Variants in UNC5D observed in about 807,000 individuals in gnomAD.
UNC5D encodes netrin receptor UNC5D.
UNC5D carries 39 observed loss-of-function variants against 105.4 expected under a neutral mutation model. That is an observed-to-expected ratio of 0.37 (90% confidence interval 0.29 to 0.48). The LOEUF (loss-of-function observed/expected upper bound fraction) is 0.48. Among genes scored for constraint, UNC5D ranks in the 20% least tolerant of loss-of-function variants. UNC5D has a pLI of 0.98. For synonymous variants in UNC5D, 452 were observed against 450.4 expected (o/e 1.00, Z -0.04); for missense variants, 991 against 1,202.4 (o/e 0.82, Z 2.60).
intron 1 of UNC5D, among the ~76,000 whole-genome samples, chr8:35,250,820 C>T (rs191966025): frequency 1.3e-5 from 2 of 152,030 alleles, no homozygotes; most frequent in African/African-American, 2.4e-5. Flanking sequence ...TTTCATCCCT[C>T]CTTCCCCCAC....
intron 1 of UNC5D, among the ~76,000 whole-genome samples, chr8:35,424,420 A>G (rs1335188033): frequency 6.6e-6 from 1 of 152,188 alleles, no homozygotes; most frequent in Non-Finnish European, 1.5e-5. Context: ...AATAAATCTC[A>G]GTTTGGACTA....
chr8:35,653,818 C>A (rs1329179019), intron 4 of UNC5D, among the ~76,000 whole-genome samples: 1 of 152,084 alleles, frequency 6.6e-6, no homozygotes, highest in Non-Finnish European at 1.5e-5. Context: ...TTCATACATT[C>A]TTTTATTTAA....
chr8:35,300,446 C>CAAAAAAAAAAAAAAAAAAAAAAAAA (rs752599540), intron 1 of UNC5D, among the ~76,000 whole-genome samples: 1 of 58,416 alleles, frequency 1.7e-5, no homozygotes. Flanking sequence ...GACTCCCTCT[C>CAAAAAAAAAAAAAAAAAAAAAAAAA]AAAAAAAAAA....
intron 2 of UNC5D, among the ~76,000 whole-genome samples, chr8:35,552,343 A>G (rs1033454001): frequency 5.3e-5 from 8 of 152,258 alleles, no homozygotes; most frequent in South Asian, 2.1e-4. Flanking sequence ...CTTCAACACC[A>G]TGAGTCACCT....
intron 11 of UNC5D, among the ~76,000 whole-genome samples, chr8:35,747,416 C>A (rs866697640): frequency 1.2e-4 from 18 of 152,122 alleles, no homozygotes; most frequent in African/African-American, 3.4e-4. Flanking sequence ...TAAATTTTAT[C>A]TTTATTTTGC....
intron 4 of UNC5D, among the ~76,000 whole-genome samples, chr8:35,680,981 G>A (rs1300553347): frequency 1.3e-5 from 2 of 152,162 alleles, no homozygotes; most frequent in Admixed American, 1.3e-4. Context: ...GGAGAGTGGA[G>A]GTGGAGCAAA....
chr8:35,643,386 G>T (rs1822869010), intron 4 of UNC5D, among the ~76,000 whole-genome samples: 2 of 151,956 alleles, frequency 1.3e-5, no homozygotes, highest in Admixed American at 6.6e-5. Context: ...TGGTGATCTC[G>T]GCTTACTGCA....
chr8:35,335,142 T>A (rs1810927359), intron 1 of UNC5D, among the ~76,000 whole-genome samples: 2 of 152,258 alleles, frequency 1.3e-5, no homozygotes, highest in Admixed American at 1.3e-4. Context: ...TGCTGAATAG[T>A]ATATATTGTA....
At chr8:35,719,633 A>G (rs953037392) in intron 8 of UNC5D, among the ~76,000 whole-genome samples, 5 of 152,228 alleles carry the variant, frequency 3.3e-5, no homozygotes, top group African/African-American at 4.8e-5. Context: ...AATAGGAGCC[A>G]CGTGTTAATT....
intron 1 of UNC5D, among the ~76,000 whole-genome samples, chr8:35,291,496 A>C (rs2178257): frequency 0.82 from 124,652 of 152,030 alleles, 51,566 homozygotes; most frequent in East Asian, 1. Context: ...CCATGGGCCT[A>C]TGGAGCTGAT....
chr8:35,390,623 A>C (rs1803712156), intron 1 of UNC5D, among the ~76,000 whole-genome samples: 1 of 152,202 alleles, frequency 6.6e-6, no homozygotes. Flanking sequence ...ACACAACCAA[A>C]AGAAATACTT....
chr8:35,476,863 G>A (rs1262901901), intron 1 of UNC5D, among the ~76,000 whole-genome samples: 1 of 152,156 alleles, frequency 6.6e-6, no homozygotes, highest in Non-Finnish European at 1.5e-5. Flanking sequence ...CCCAGGGCTT[G>A]GACGTTGTAC....
intron 4 of UNC5D, among the ~76,000 whole-genome samples, chr8:35,669,964 G>C (rs1338287018): frequency 6.6e-6 from 1 of 152,112 alleles, no homozygotes; most frequent in Non-Finnish European, 1.5e-5. Flanking sequence ...GGAATGTTCA[G>C]TGTATGACCA....
intron 15 of UNC5D, among the ~76,000 whole-genome samples, chr8:35,773,012 G>C (rs868207550): frequency 6.6e-6 from 1 of 152,030 alleles, no homozygotes; most frequent in Non-Finnish European, 1.5e-5. Context: ...CTCCAGAAAA[G>C]ACCTATCTCT....
chr8:35,288,783 G>T (rs1168845632), intron 1 of UNC5D, among the ~76,000 whole-genome samples: 1 of 152,154 alleles, frequency 6.6e-6, no homozygotes, highest in Non-Finnish European at 1.5e-5. Context: ...GCTTAAAGTA[G>T]CCTTTCATAA....
At chr8:35,241,584 A>G (rs931265956) in intron 1 of UNC5D, among the ~76,000 whole-genome samples, 3 of 152,198 alleles carry the variant, frequency 2.0e-5, no homozygotes, top group Non-Finnish European at 4.4e-5. Flanking sequence ...TATTGTTTCT[A>G]TCAGGACAAG....
At position 35,635,556 on chromosome 8, in the gene UNC5D, G is replaced by A. The variant is rs949450804; in HGVS notation, c.570+39899G>A. Among the ~76,000 whole-genome samples, 6 of 152,092 alleles carry A rather than the reference G, an allele frequency of 3.9e-5. No individual in the cohort carries two copies. The East Asian group carries it at 5.8e-4, about 15-fold the overall frequency. ...TTGGAAAACATGATAATGCTCCTTC[G>A]TTGTAAGAAATCATTTTAACAACAC... On this transcript the variant is annotated intron_variant, in intron 4 of 16. Coordinates refer to ENST00000404895, the MANE Select transcript of UNC5D (RefSeq NM_080872.4).
At chr8:35,247,428 A>G (rs1554493867) in intron 1 of UNC5D, among the ~76,000 whole-genome samples, 3 of 145,848 alleles carry the variant, frequency 2.1e-5, no homozygotes, top group Non-Finnish European at 1.5e-5. Flanking sequence ...CTTAATCTTA[A>G]GCTTTTGTTC....
intron 10 of UNC5D, chr8:35,726,827 T>C: frequency 2.7e-6 from 1 of 371,478 alleles, no homozygotes; most frequent in Non-Finnish European, 4.9e-6. Context: ...CTTTGGAGTA[T>C]ATTTCCTAGG....
Sources: allele counts gnomAD v4.1 joint callset (sites outside exome capture counted in the v4.1 genomes callset), GRCh38; gene constraint gnomAD v4.1.1; transcripts MANE v1.5; gene names NCBI Gene and HGNC (gene_info 2026-07-23, HGNC 2026-07-21).